Variants in CNTRL observed in about 807,000 individuals in gnomAD.
CNTRL encodes the protein 110 kDa centrosomal protein.
Under a neutral mutation model 303.7 loss-of-function variants are expected in CNTRL, and 233 were observed. The observed-to-expected ratio is 0.77, with a 90% CI of 0.69 to 0.86. CNTRL has a LOEUF of 0.86. Among genes scored for constraint, CNTRL ranks in the 40% least tolerant of loss-of-function variants. The probability of loss-of-function intolerance (pLI) is 0.00; values close to 1 mark genes in which losing one functional copy is unlikely to be tolerated. For synonymous variants in CNTRL, 900 were observed against 922.2 expected, an observed-to-expected ratio of 0.98 and a Z score of 0.44; for missense variants, 2,524 against 2,650.6, an observed-to-expected ratio of 0.95 and a Z score of 1.05.
At position 121,171,310 on chromosome 9, in the gene CNTRL, A is replaced by G. The variant is rs938178752; in HGVS notation, c.6277-98A>G. On this transcript the variant is annotated intron_variant, in intron 39 of 43. Transcript: ENST00000373855. The stretch of plus-strand genomic sequence containing the variant: ...TTGACAGCTAGAGAAGCTGAGGCCC[A>G]GAAGGGGAATGAAGTTATAGAGCTA... 3.0e-6 allele frequency: 4 copies of G among 1,341,934 alleles called. No homozygotes were observed. The South Asian group carries it at 4.8e-5, about 16-fold the overall frequency. 83.1% of individuals were successfully genotyped at this position (1,341,934 alleles called of 1,614,324 possible).
chr9:121,125,636 C>A, intron 13 of CNTRL, 80 bp from the exon 14 acceptor site: 2 of 1,232,954 alleles, frequency 1.6e-6, no homozygotes, highest in Non-Finnish European at 2.3e-6. Flanking sequence ...GAATTTCACT[C>A]TTGGCTTATA....
chr9:121,133,619 A>G (rs1314975913), intron 14 of CNTRL, among the ~76,000 whole-genome samples: 1 of 152,198 alleles, frequency 6.6e-6, no homozygotes. Context: ...GGGTGAGGCG[A>G]TGCCCTGCCC....
At position 121,145,252 on chromosome 9, in the gene CNTRL, T is replaced by A. The variant is rs1326005779; in HGVS notation, c.3177T>A (p.Leu1059=). 1 of 1,601,234 alleles carries A rather than the reference T, an allele frequency of 6.2e-7. No individual in the cohort carries two copies. The highest frequency in any genetic ancestry group is 2.2e-5 in the East Asian group (1 of 44,802). ...LLRQKGEQFR[L]EMEKTGVGTG... is the part of the protein sequence containing the mutation. Reference sequence around the variant, plus strand: ...GTAATTTTTTTAAATAGTTTCGACTTGAGATGGAGAAAACAGGTGTAGGTA... The same window carrying A: ...GTAATTTTTTTAAATAGTTTCGACTAGAGATGGAGAAAACAGGTGTAGGTA... Residue 1059 remains leucine, a synonymous_variant, in exon 22 of 44, where the codon CTT becomes CTA. Transcript: ENST00000373855.
chr9:121,141,685 A>T (rs541066680), intron 18 of CNTRL, 97 bp downstream of exon 18: 5 of 1,135,738 alleles, frequency 4.4e-6, no homozygotes, highest in Non-Finnish European at 6.4e-6. Flanking sequence ...TAAATACAAC[A>T]TAATTGTTGT....
chr9:121,149,027 T>C (rs1253417966), intron 24 of CNTRL, among the ~76,000 whole-genome samples, 166 bp downstream of exon 24: 1 of 152,224 alleles, frequency 6.6e-6, no homozygotes, highest in Non-Finnish European at 1.5e-5. Context: ...TTAAACCCTG[T>C]CTGGAATGTC....
At chr9:121,138,414 C>T (rs1283348577) in intron 15 of CNTRL, 131 bp from the exon 16 acceptor site, 5 of 910,882 alleles carry the variant, frequency 5.5e-6, no homozygotes, top group Non-Finnish European at 8.1e-6. Flanking sequence ...TTTGGGAGTA[C>T]AAACATAAAA....
intron 30 of CNTRL, 140 bp downstream of exon 30, chr9:121,158,249 C>G (rs902834554): frequency 2.6e-5 from 26 of 987,394 alleles, no homozygotes; most frequent in Non-Finnish European, 3.8e-5. Flanking sequence ...AAATTTGAAT[C>G]CCAACTCAAT....
At chr9:121,160,745 T>C (rs2052806740) in intron 32 of CNTRL, among the ~76,000 whole-genome samples, 1 of 152,192 alleles carries the variant, frequency 6.6e-6, no homozygotes, top group Admixed American at 6.5e-5. Context: ...TTTGGGAGGC[T>C]GAGGCAAGAG....
intron 3 of CNTRL, among the ~76,000 whole-genome samples, chr9:121,089,023 T>C (rs541054104): frequency 1.8e-4 from 28 of 152,352 alleles, no homozygotes; most frequent in African/African-American, 6.0e-4. Flanking sequence ...TCTGTTAGTC[T>C]AGGAATCTGT....
intron 1 of CNTRL, among the ~76,000 whole-genome samples, chr9:121,077,213 G>A (rs2047960043): frequency 6.6e-6 from 1 of 151,972 alleles, no homozygotes; most frequent in Non-Finnish European, 1.5e-5. Flanking sequence ...AAATACAACT[G>A]CAGCTCTGAA....
chr9:121,121,130 CT>C (rs1207757707), intron 12 of CNTRL, among the ~76,000 whole-genome samples: 28 of 152,122 alleles, frequency 1.8e-4, no homozygotes, highest in African/African-American at 6.5e-4. Flanking sequence ...GATGAAGTAT[CT>C]TTCTGAATAG....
intron 14 of CNTRL, among the ~76,000 whole-genome samples, chr9:121,133,365 C>G (rs935379580): frequency 2.0e-5 from 3 of 152,264 alleles, no homozygotes; most frequent in Admixed American, 1.3e-4. Context: ...CGCCCCTCCC[C>G]CTGCCAGGCT....
rs778166639 is a variant in CNTRL at position 121,157,747 on chromosome 9, C to G, written c.4504C>G (p.Gln1502Glu). The G allele has an allele frequency of 6.2e-7, 1 of 1,614,038 alleles. No homozygotes were observed. The highest frequency in any genetic ancestry group is 8.5e-7 in the Non-Finnish European group (1 of 1,179,996). ...VKADQQLRSL[Q>E]ADAKDLEQHK... The stretch of plus-strand genomic sequence containing the variant: ...TAAAGCAATGTGCTTTAGATCGCTC[C>G]AGGCTGATGCAAAGGATTTGGAGCA... Residue 1502 changes from glutamine (Q) to glutamate (E), a missense_variant, in exon 29 of 44, where the codon CAG (glutamine) becomes GAG (glutamate). Physicochemically the swap from Gln to Glu is conservative, Grantham distance 29. Coordinates refer to ENST00000373855, the MANE Select transcript of CNTRL (RefSeq NM_007018.6).
chr9:121,104,694 ATTTTT>A (rs10693661), intron 7 of CNTRL, among the ~76,000 whole-genome samples: 1,236 of 96,458 alleles, frequency 0.013, 22 homozygotes, highest in African/African-American at 0.045. Flanking sequence ...GCCACTGGCA[ATTTTT>A]TTTTTTTTTT....
Position 121,104,675 on chromosome 9 carries a change from C to A in CNTRL, c.809-3127C>A, listed in dbSNP as rs1041516703. Among the ~76,000 whole-genome samples, 7 of 145,650 alleles carry A rather than the reference C, an allele frequency of 4.8e-5. No individual in the cohort carries two copies. The East Asian group carries it at 1.4e-3, about 29-fold the overall frequency. On this transcript the variant is annotated intron_variant, in intron 7 of 43. Transcript: ENST00000373855. The stretch of plus-strand genomic sequence containing the variant: ...TGGAATTTTGATTTTATTTCAGGTG[C>A]ATTGGAAAGCCACTGGCAATTTTTT...
Position 121,129,402 on chromosome 9 carries a change from T to G in CNTRL, c.2025+3466T>G, listed in dbSNP as rs552610458. ...GGTATTTTACTCTCTTTGTAGCAAT[T>G]GTGAATGGGAGTTCACTCACGATTT... On this transcript the variant is annotated intron_variant, in intron 14 of 43. Coordinates refer to ENST00000373855, the MANE Select transcript of CNTRL (RefSeq NM_007018.6). Among the ~76,000 whole-genome samples the G allele has an allele frequency of 3.9e-5, 6 of 152,362 alleles. No individual in the cohort carries two copies. The East Asian group carries it at 1.2e-3, about 29-fold the overall frequency.
At chr9:121,167,727 T>A in intron 37 of CNTRL, 50 bp downstream of exon 37, 1 of 1,522,866 alleles carries the variant, frequency 6.6e-7, no homozygotes, top group Non-Finnish European at 9.0e-7. Context: ...GTGGCTCATG[T>A]GAGCCTATTT....
At chr9:121,151,387 C>CTTTTTTTTTTTTTTTTTT (rs71370632) in intron 25 of CNTRL, among the ~76,000 whole-genome samples, 1 of 90,428 alleles carries the variant, frequency 1.1e-5, no homozygotes, top group Non-Finnish European at 2.0e-5. Flanking sequence ...TTTTCTTCTT[C>CTTTTTTTTTTTTTTTTTT]TTTTTTTTTT....
At chr9:121,085,571 T>C (rs2132156077) in intron 2 of CNTRL, among the ~76,000 whole-genome samples, 1 of 152,302 alleles carries the variant, frequency 6.6e-6, no homozygotes, top group African/African-American at 2.4e-5. Flanking sequence ...ACTTCTCCAC[T>C]TGTGGTTGTT....
Sources: gnomAD v4.1 joint callset for allele counts (sites outside exome capture counted in the v4.1 genomes callset) on GRCh38, gnomAD v4.1.1 for gene constraint, MANE v1.5 for transcripts, NCBI Gene and HGNC (gene_info 2026-07-23, HGNC 2026-07-21) for gene names.